EYS: variants seen among roughly 807,000 people sequenced by gnomAD.
The protein encoded by EYS is EGF-like photoreceptor maintenance factor.
A neutral mutation model predicts 282.1 loss-of-function variants in EYS; 250 were observed. The observed-to-expected ratio is 0.89, with a 90% CI of 0.80 to 0.98. The LOEUF (loss-of-function observed/expected upper bound fraction) is 0.98. Among genes scored for constraint, EYS ranks in the 50% least tolerant of loss-of-function variants. The probability of loss-of-function intolerance (pLI) is 0.00; values close to 1 mark genes in which losing one functional copy is unlikely to be tolerated. For missense variants in EYS, 4,016 were observed against 3,709.0 expected (o/e 1.08, Z -2.15); for synonymous variants, 1,355 against 1,282.9 (o/e 1.06, Z -1.20).
At chr6:64,513,858 AAAG>A (rs1276193060) in intron 26 of EYS, among the ~76,000 whole-genome samples, 8 of 151,824 alleles carry the variant, frequency 5.3e-5, no homozygotes. Flanking sequence ...ATCTAATGAG[AAAG>A]ACTATAGATT....
At chr6:65,478,181 A>G (rs9445550) in intron 5 of EYS, among the ~76,000 whole-genome samples, 16,502 of 152,104 alleles carry the variant, frequency 0.11, 1,359 homozygotes, top group African/African-American at 0.22. Context: ...TTCATTCTAG[A>G]GAAGATATAA....
chr6:63,734,652 AGGG>A (rs1173353220), intron 41 of EYS, among the ~76,000 whole-genome samples: 1 of 152,120 alleles, frequency 6.6e-6, no homozygotes, highest in African/African-American at 2.4e-5. Context: ...AGAGGAATCA[AGGG>A]TAACTATGGG....
chr6:64,215,814 G>A (rs1765911391), intron 31 of EYS, among the ~76,000 whole-genome samples: 1 of 152,068 alleles, frequency 6.6e-6, no homozygotes, highest in Non-Finnish European at 1.5e-5. Context: ...TGTGAAAAGT[G>A]AAGATGTTAA....
chr6:65,444,787 C>T (rs1376408855), intron 5 of EYS, among the ~76,000 whole-genome samples: 1 of 151,940 alleles, frequency 6.6e-6, no homozygotes, highest in Non-Finnish European at 1.5e-5. Context: ...TTTACAAATT[C>T]CTTTATTTCA....
chr6:64,904,781 G>A (rs920248970), intron 16 of EYS, among the ~76,000 whole-genome samples: 16 of 152,106 alleles, frequency 1.1e-4, no homozygotes, highest in Non-Finnish European at 1.5e-5. Flanking sequence ...TCAGGGCCCA[G>A]GACCTTGGGT....
At chr6:64,380,823 C>T (rs1263077116) in intron 29 of EYS, among the ~76,000 whole-genome samples, 1 of 152,034 alleles carries the variant, frequency 6.6e-6, no homozygotes, top group African/African-American at 2.4e-5. Context: ...CGAGACCAGC[C>T]TTGCAAATAT....
chr6:65,066,727 T>C (rs1353463305), intron 12 of EYS, among the ~76,000 whole-genome samples: 5 of 152,212 alleles, frequency 3.3e-5, no homozygotes, highest in Non-Finnish European at 7.4e-5. Flanking sequence ...TGCTTTCAAA[T>C]GAGTTCCTTT....
chr6:64,806,317 C>A (rs981983304), intron 22 of EYS, among the ~76,000 whole-genome samples: 22 of 151,896 alleles, frequency 1.4e-4, no homozygotes, highest in Middle Eastern at 4.2e-3. Context: ...TACCCTGTAA[C>A]CATCATAAGT....
At position 63,754,482 on chromosome 6, in the gene EYS, G is replaced by A. The variant is rs150052654; in HGVS notation, c.8071+7979C>T. Among the ~76,000 whole-genome samples, 621 of 152,180 alleles carry A rather than the reference G, an allele frequency of 4.1e-3. 3 individuals are homozygous for A. The highest frequency in any genetic ancestry group is 0.015 in the African/African-American group (603 of 41,500). ...CTTGTGATATTTTCCTGAGAATGCTGGTTTCCAGCTTCATCCATGTCCCTG... is the reference window on the plus strand; with the variant it reads ...CTTGTGATATTTTCCTGAGAATGCTAGTTTCCAGCTTCATCCATGTCCCTG... On this transcript the variant is annotated intron_variant, in intron 41 of 42. Coordinates refer to ENST00000503581, the MANE Select transcript of EYS (RefSeq NM_001142800.2).
At chr6:64,450,445 T>C (rs895729116) in intron 26 of EYS, among the ~76,000 whole-genome samples, 2 of 152,096 alleles carry the variant, frequency 1.3e-5, no homozygotes, top group African/African-American at 4.8e-5. Flanking sequence ...ATTAGACAGA[T>C]CAACGAGACA....
At chr6:64,218,396 CAAG>C (rs1331567462) in intron 31 of EYS, among the ~76,000 whole-genome samples, 24 of 152,024 alleles carry the variant, frequency 1.6e-4, no homozygotes, top group Non-Finnish European at 3.1e-4. Flanking sequence ...ATGTAATCAT[CAAG>C]AAGGACAGAA....
At chr6:64,532,931 T>G (rs1252425873) in intron 26 of EYS, among the ~76,000 whole-genome samples, 1 of 152,066 alleles carries the variant, frequency 6.6e-6, no homozygotes, top group Non-Finnish European at 1.5e-5. Context: ...ATAGGGATTC[T>G]TAAATAACTG....
chr6:64,336,643 A>G (rs1270630714), intron 29 of EYS, among the ~76,000 whole-genome samples: 1 of 152,162 alleles, frequency 6.6e-6, no homozygotes, highest in Non-Finnish European at 1.5e-5. Context: ...ATATATACAG[A>G]ACATTTTATT....
At chr6:63,917,015 AGT>A (rs1764439870) in intron 35 of EYS, among the ~76,000 whole-genome samples, 1 of 152,272 alleles carries the variant, frequency 6.6e-6, no homozygotes, top group South Asian at 2.1e-4. Context: ...GTTATTTAAC[AGT>A]GAGGAAAGGA....
At chr6:65,406,228 AT>A (rs1766733749) in intron 5 of EYS, among the ~76,000 whole-genome samples, 1 of 152,124 alleles carries the variant, frequency 6.6e-6, no homozygotes, top group Admixed American at 6.6e-5. Context: ...CAAAAATGAA[AT>A]GTCTTTTTAA....
At chr6:64,113,804 A>G (rs1773288688) in intron 31 of EYS, among the ~76,000 whole-genome samples, 1 of 152,202 alleles carries the variant, frequency 6.6e-6, no homozygotes, top group Non-Finnish European at 1.5e-5. Context: ...AACTGTGAAG[A>G]GTGTTTCTTA....
chr6:65,650,154 T>G, intron 1 of EYS, among the ~76,000 whole-genome samples: 1 of 152,208 alleles, frequency 6.6e-6, no homozygotes, highest in Non-Finnish European at 1.5e-5. Flanking sequence ...ATTGCCTACA[T>G]AACTTATTCT....
intron 31 of EYS, among the ~76,000 whole-genome samples, chr6:64,221,503 A>G (rs1042314981): frequency 6.6e-6 from 1 of 152,060 alleles, no homozygotes; most frequent in Non-Finnish European, 1.5e-5. Context: ...TGAACCATTA[A>G]ATTTCTGTTT....
At chr6:64,450,714 C>T (rs560123552) in intron 26 of EYS, among the ~76,000 whole-genome samples, 5 of 152,044 alleles carry the variant, frequency 3.3e-5, no homozygotes, top group African/African-American at 1.2e-4. Context: ...CACTCAAAAC[C>T]ACTCAACTAC....
Sources: gnomAD v4.1 joint callset for allele counts (sites outside exome capture counted in the v4.1 genomes callset) on GRCh38, gnomAD v4.1.1 for gene constraint, MANE v1.5 for transcripts, NCBI Gene and HGNC (gene_info 2026-07-23, HGNC 2026-07-21) for gene names.